SRCAP: variants seen among roughly 807,000 people sequenced by gnomAD.
SRCAP encodes the protein Snf2 related CREBBP activator protein.
A neutral mutation model predicts 263.1 loss-of-function variants in SRCAP; 46 were observed. The ratio of observed to expected loss-of-function variants is 0.17; its 90% CI spans 0.14 to 0.22. SRCAP has a LOEUF of 0.22. Ranked by LOEUF, SRCAP falls within the 10% of genes least tolerant of loss-of-function variation. SRCAP has a pLI of 1.00. For synonymous variants in SRCAP, 1,813 were observed against 1,662.1 expected (o/e 1.09, Z -2.21); for missense variants, 3,695 against 4,181.9 (o/e 0.88, Z 3.21).
At chr16:30,703,011 G>A (rs962909097) in intron 3 of SRCAP, among the ~76,000 whole-genome samples, 1 of 152,074 alleles carries the variant, frequency 6.6e-6, no homozygotes, top group Non-Finnish European at 1.5e-5. Flanking sequence ...ATTGGTGGCT[G>A]TTGAATTTAG....
chr16:30,739,031 C>T lies in SRCAP; in HGVS notation c.8991C>T (p.Thr2997=). Residue 2997 remains threonine, a synonymous_variant, in exon 34 of 34, where the codon ACC becomes ACT. Coordinates refer to ENST00000262518, the MANE Select transcript of SRCAP (RefSeq NM_006662.3). ...ATVANTVTTV[T]ISTSPPKRKR... Reference sequence around the variant, plus strand: ...TTGCCAACACTGTCACCACTGTCACCATTTCAACGTCCCCACCCAAACGGA... The same window carrying T: ...TTGCCAACACTGTCACCACTGTCACTATTTCAACGTCCCCACCCAAACGGA... 1.2e-6 allele frequency: 2 copies of T among 1,614,210 alleles called. No homozygotes were observed. The highest frequency in any genetic ancestry group is 1.7e-6 in the Non-Finnish European group (2 of 1,180,036).
In SRCAP at chr16:30,733,965, T is replaced by C. The variant is rs2151298492; in HGVS notation, c.6566T>C (p.Met2189Thr). 1 of 1,613,284 alleles carries C rather than the reference T, an allele frequency of 6.2e-7. No homozygotes were observed. Among genetic ancestry groups the C allele is most frequent in the Non-Finnish European group, 8.5e-7 (1 of 1,179,592 alleles). ...AATCAGAAGAGAATGTTGGGGGACA[T>C]GGCCATTGAGGGAGGCAACTTCACC... is the stretch of plus-strand genomic sequence containing the variant. ...KANQKRMLGD[M>T]AIEGGNFTTA... The change falls in exon 30 of 34, where the codon ATG becomes ACG. Residue 2189 changes from methionine to threonine, a missense_variant. Physicochemically the swap from Met to Thr is moderately conservative, Grantham distance 81 (BLOSUM62 -1). Around this residue, in one of 12 missense-constraint regions of SRCAP, gnomAD observed 138 missense variants for 254.9 expected, o/e 0.54. Transcript: ENST00000262518. The surrounding 1 kb of genome is among the most constrained non-coding windows in gnomAD (Gnocchi z 5.3).
chr16:30,714,064 A>AT (rs528435570), intron 16 of SRCAP, among the ~76,000 whole-genome samples: 2,978 of 123,130 alleles, frequency 0.024, 115 homozygotes, highest in African/African-American at 0.076. Flanking sequence ...AGCCTGGCTA[A>AT]TTTTTTTTTT....
intron 3 of SRCAP, among the ~76,000 whole-genome samples, chr16:30,703,203 C>T (rs1207254336): frequency 6.7e-6 from 1 of 149,222 alleles, no homozygotes; most frequent in Non-Finnish European, 1.5e-5. Flanking sequence ...CTTTTCCTTT[C>T]CGAGACAGAG....
In SRCAP at chr16:30,721,603, A is replaced by C. The variant is rs534080468; in HGVS notation, c.3541+127A>C. 5.1e-5 allele frequency: 67 copies of C among 1,310,104 alleles called. No individual in the cohort carries two copies. The African/African-American group carries it at 8.9e-4, about 17-fold the overall frequency. 81.2% of individuals were successfully genotyped at this position (1,310,104 alleles called of 1,614,324 possible). On this transcript the variant is annotated intron_variant, in intron 21 of 33. Transcript: ENST00000262518. ...ATGCCTATAATCCCGGTGCTTTGGG[A>C]GGCCAAGGTGGGAGGTTTGCTTCAG... is the stretch of plus-strand genomic sequence containing the variant.
Position 30,737,047 on chromosome 16 carries a change from A to G in SRCAP, c.7009-2A>G. 1 of 1,577,434 alleles carries G rather than the reference A, an allele frequency of 6.3e-7. No homozygotes were observed. Among genetic ancestry groups the G allele is most frequent in the Non-Finnish European group, 8.6e-7 (1 of 1,160,870 alleles). Reference sequence around the variant, plus strand: ...GACCACTTTTGGACCCTGTTGTTGTAGGAGCAAGTGGAAGCTGCCCGCAAA... The same window carrying G: ...GACCACTTTTGGACCCTGTTGTTGTGGGAGCAAGTGGAAGCTGCCCGCAAA... On this transcript the variant is annotated splice_acceptor_variant, in intron 33 of 33. Coordinates refer to ENST00000262518, the MANE Select transcript of SRCAP (RefSeq NM_006662.3). LOFTEE classifies it high-confidence loss of function.
rs529665661 is a variant in SRCAP at position 30,737,903 on chromosome 16, G to C, written c.7863G>C (p.Glu2621Asp). The change falls in exon 34 of 34, where the codon GAG becomes GAC. Residue 2621 changes from glutamate to aspartate, a missense_variant. Physicochemically the swap from Glu to Asp is conservative, Grantham distance 45. This residue lies in a region of SRCAP where 1,207 missense variants were observed against 1,142.9 expected (regional missense o/e 1.06). Coordinates refer to ENST00000262518, the MANE Select transcript of SRCAP (RefSeq NM_006662.3). ...LEAGSIPNGQ[E>D]QEAPDSAEGT... Reference sequence around the variant, plus strand: ...CTGGCAGCATCCCCAATGGTCAAGAGCAGGAGGCACCAGATTCTGCTGAGG... The same window carrying C: ...CTGGCAGCATCCCCAATGGTCAAGACCAGGAGGCACCAGATTCTGCTGAGG... The C allele has an allele frequency of 8.1e-6, 13 of 1,614,212 alleles. No individual in the cohort carries two copies. Among genetic ancestry groups the C allele is most frequent in the Non-Finnish European group, 1.1e-5 (13 of 1,180,044 alleles).
Position 30,712,053 on chromosome 16 carries a change from CCTA to C in SRCAP, c.1714_1716del (p.Thr572del), listed in dbSNP as rs2052898234. 3 of 1,614,018 alleles carry C rather than the reference CCTA, an allele frequency of 1.9e-6. No individual in the cohort carries two copies. The highest frequency in any genetic ancestry group is 3.3e-5 in the Admixed American group (2 of 60,014). ...TGAGGCAGATGCAGGCAGTGGGCCT[CCTA>C]CTCCAGGGCCCACTACTCTAGGTCC... On this transcript the variant is annotated inframe_deletion, in exon 12 of 34. Coordinates refer to ENST00000262518, the MANE Select transcript of SRCAP (RefSeq NM_006662.3).
At chr16:30,713,035 T>C (rs1330236144) in intron 14 of SRCAP, among the ~76,000 whole-genome samples, 173 bp from the exon 15 acceptor site, 2 of 152,138 alleles carry the variant, frequency 1.3e-5, no homozygotes, top group African/African-American at 4.8e-5. Context: ...ACTGAGACTA[T>C]AGCTGTGAGC....
rs773406365 is a variant in SRCAP, at chr16:30,739,530, G to A, written c.9490G>A (p.Gly3164Arg). ...CCGCCTACAGCCCCCAAGTCCCCTG[G>A]GGCCTGAGGGTTCAGTAGAGGAGTC... ...RGRLQPPSPL[G>R]PEGSVEESEA... The change falls in exon 34 of 34, where the codon GGG becomes AGG. Residue 3164 changes from glycine to arginine, a missense_variant. Physicochemically the swap from Gly to Arg is moderately radical, Grantham distance 125. Transcript: ENST00000262518. 1.9e-6 allele frequency: 3 copies of A among 1,611,770 alleles called. No individual in the cohort carries two copies. The highest frequency in any genetic ancestry group is 2.2e-5 in the South Asian group (2 of 90,924).
rs895783107 is a variant in SRCAP at position 30,724,493 on chromosome 16, C to G, written c.5069C>G (p.Thr1690Ser). 13 of 1,614,108 alleles carry G rather than the reference C, an allele frequency of 8.1e-6. No individual in the cohort carries two copies. The highest frequency in any genetic ancestry group is 1.3e-5 in the African/African-American group (1 of 74,940). ...TLALAPALAPTLGGSSPSQTL... is the reference protein window; with the variant it reads ...TLALAPALAPSLGGSSPSQTL... ...GCCCTAGCCCCAGCTTTAGCACCCA[C>G]TCTTGGAGGCTCATCTCCATCTCAG... The change falls in exon 25 of 34, where the codon ACT (threonine) becomes AGT (serine). Residue 1690 changes from threonine (T) to serine (S), a missense_variant. Physicochemically the swap from Thr to Ser is moderately conservative, Grantham distance 58. This residue lies in a region of SRCAP where 1,347 missense variants were observed against 1,304.4 expected (regional missense o/e 1.03). Coordinates refer to ENST00000262518, the MANE Select transcript of SRCAP (RefSeq NM_006662.3).
chr16:30,736,983 C>A (rs11649459), intron 33 of SRCAP, 66 bp from the exon 34 acceptor site: 1 of 1,504,840 alleles, frequency 6.6e-7, no homozygotes, highest in African/African-American at 1.4e-5. Flanking sequence ...CTGGAAGCTG[C>A]TAATTTCTAC....
At chr16:30,701,755 G>A (rs1012966395) in intron 3 of SRCAP, among the ~76,000 whole-genome samples, 3 of 150,300 alleles carry the variant, frequency 2.0e-5, no homozygotes, top group African/African-American at 7.4e-5. Flanking sequence ...TCAGCCTTGC[G>A]AGTAGCTGGG....
In SRCAP at chr16:30,700,758, C is replaced by T; in HGVS notation, c.-67C>T. ...TGCAGCCGGACGCCAGCCCCTCGGC[C>T]AGCAGTACTGGTGATAACAACCCAG... On this transcript the variant is annotated 5_prime_UTR_variant, in exon 3 of 34. Coordinates refer to ENST00000262518, the MANE Select transcript of SRCAP (RefSeq NM_006662.3). The T allele has an allele frequency of 2.7e-6, 4 of 1,485,124 alleles. No homozygotes were observed. Among genetic ancestry groups the T allele is most frequent in the Non-Finnish European group, 3.7e-6 (4 of 1,069,264 alleles). The allele number at this position is 1,485,124 out of a possible 1,614,324, so 92.0% of individuals were successfully genotyped here. A position where few individuals can be genotyped will look rare whatever the true frequency, so the allele number is the denominator to read the frequency against.
Position 30,724,213 on chromosome 16 carries a change from A to G in SRCAP, c.4789A>G (p.Ile1597Val), listed in dbSNP as rs760915714. ...TCCTATGGCGGCTCCACAGACAGCAATTCTGGCTCCTTCTCCAGCTCCTCC... is the reference window on the plus strand; with the variant it reads ...TCCTATGGCGGCTCCACAGACAGCAGTTCTGGCTCCTTCTCCAGCTCCTCC... ...LAPMAAPQTA[I>V]LAPSPAPPLA... The change falls in exon 25 of 34, where the codon ATT (isoleucine) becomes GTT (valine). Residue 1597 changes from isoleucine to valine, a missense_variant. Physicochemically the swap from Ile to Val is conservative, Grantham distance 29. Around this residue, in one of 12 missense-constraint regions of SRCAP, gnomAD observed 1,347 missense variants for 1,304.4 expected, o/e 1.03. Coordinates refer to ENST00000262518, the MANE Select transcript of SRCAP (RefSeq NM_006662.3). 6.2e-7 allele frequency: 1 copy of G among 1,613,738 alleles called. No individual in the cohort carries two copies. The highest frequency in any genetic ancestry group is 8.5e-7 in the Non-Finnish European group (1 of 1,179,930).
At chr16:30,705,504 A>G (rs937044979) in intron 4 of SRCAP, among the ~76,000 whole-genome samples, 38 of 147,374 alleles carry the variant, frequency 2.6e-4, no homozygotes, top group African/African-American at 9.3e-4. Flanking sequence ...GTTCACAGCC[A>G]TTCTCTGGCC....
rs80323213 is a variant in SRCAP, at chr16:30,713,831, G to A, written c.2493+120G>A. ...AGTCAGTGCCAGGCTAAACTCCTTT[G>A]TCAAGCTGCAGTGTTCTAGTGACTA... On this transcript the variant is annotated intron_variant, in intron 16 of 33. Transcript: ENST00000262518. 7,736 of 876,120 alleles carry A rather than the reference G, an allele frequency of 8.8e-3. 377 individuals are homozygous for A. The African/African-American group carries it at 0.11, about 13-fold the overall frequency. The allele number at this position is 876,120 out of a possible 1,614,324, so 54.3% of individuals were successfully genotyped here. A position where few individuals can be genotyped will look rare whatever the true frequency, so the allele number is the denominator to read the frequency against.
At chr16:30,703,089 A>G (rs2052786376) in intron 3 of SRCAP, among the ~76,000 whole-genome samples, 1 of 151,706 alleles carries the variant, frequency 6.6e-6, no homozygotes, top group Non-Finnish European at 1.5e-5. Context: ...GTAAATAGGG[A>G]GTTGTTTATG....
chr16:30,716,389 T>A lies in SRCAP; in HGVS notation c.2727T>A (p.Pro909=). 1 of 1,614,212 alleles carries A rather than the reference T, an allele frequency of 6.2e-7. No individual in the cohort carries two copies. The highest frequency in any genetic ancestry group is 1.1e-5 in the South Asian group (1 of 91,084). ...GCAATCATCCAAATCTGTTCGACCCTCGACCGGTTACCTCCCCTTTCATCA... is the reference window on the plus strand; with the variant it reads ...GCAATCATCCAAATCTGTTCGACCCACGACCGGTTACCTCCCCTTTCATCA... ...KVCNHPNLFD[P]RPVTSPFITP... Residue 909 remains proline (P), a synonymous_variant, in exon 18 of 34, where the codon CCT becomes CCA. Transcript: ENST00000262518.
Sources: allele counts gnomAD v4.1 joint callset (sites outside exome capture counted in the v4.1 genomes callset), GRCh38; gene constraint gnomAD v4.1.1; regional missense constraint gnomAD v4.1.1; non-coding constraint Gnocchi (gnomAD v3.1); transcripts MANE v1.5; gene names NCBI Gene and HGNC (gene_info 2026-07-23, HGNC 2026-07-21).